JAZF1: variants seen among roughly 807,000 people sequenced by gnomAD.
JAZF1 encodes JAZF zinc finger 1, also known as juxtaposed with another zinc finger protein 1.
Under a neutral mutation model 26.4 loss-of-function variants are expected in JAZF1, and 8 were observed. That is an observed-to-expected ratio of 0.30 (90% CI 0.18 to 0.55). JAZF1 has a LOEUF of 0.55. Ranked by LOEUF, JAZF1 falls within the 20% of genes least tolerant of loss-of-function variation. The pLI, the probability that JAZF1 is intolerant of heterozygous loss-of-function variation, is 0.94. For missense variants in JAZF1, 199 were observed against 322.0 expected, an observed-to-expected ratio of 0.62 and a Z score of 2.92; for synonymous variants, 126 against 122.3, an observed-to-expected ratio of 1.03 and a Z score of -0.20.
At chr7:28,083,345 C>T (rs925170950) in intron 1 of JAZF1, among the ~76,000 whole-genome samples, 2 of 152,150 alleles carry the variant, frequency 1.3e-5, no homozygotes, top group African/African-American at 2.4e-5. Context: ...AGCCACTCAA[C>T]GGATATTTAC....
At chr7:27,887,396 C>A (rs1172801074) in intron 3 of JAZF1, among the ~76,000 whole-genome samples, 1 of 151,814 alleles carries the variant, frequency 6.6e-6, no homozygotes, top group Non-Finnish European at 1.5e-5. Flanking sequence ...GATTACAGAT[C>A]ACCACTGATT....
At chr7:28,090,663 GC>G (rs1342196815) in intron 1 of JAZF1, among the ~76,000 whole-genome samples, 3 of 152,110 alleles carry the variant, frequency 2.0e-5, no homozygotes, top group Non-Finnish European at 4.4e-5. Context: ...CGGCTTCACT[GC>G]CTAATCTACC....
intron 2 of JAZF1, among the ~76,000 whole-genome samples, chr7:27,959,586 A>G (rs1352901005): frequency 1.3e-5 from 2 of 152,208 alleles, no homozygotes; most frequent in Non-Finnish European, 1.5e-5. Context: ...CATACAGAGC[A>G]TATGTTACAG....
intron 1 of JAZF1, among the ~76,000 whole-genome samples, chr7:28,165,623 C>T (rs1333761851): frequency 1.3e-5 from 2 of 152,192 alleles, no homozygotes; most frequent in Admixed American, 6.5e-5. Context: ...CAGGCCCTTG[C>T]AGCCTCTGCC....
intron 3 of JAZF1, among the ~76,000 whole-genome samples, chr7:27,858,350 T>C (rs1177271513): frequency 6.6e-6 from 1 of 152,140 alleles, no homozygotes; most frequent in African/African-American, 2.4e-5. Flanking sequence ...CAAGCTACCA[T>C]TGACTTTCTT....
At chr7:28,139,202 T>C (rs1377571074) in intron 1 of JAZF1, among the ~76,000 whole-genome samples, 1 of 152,194 alleles carries the variant, frequency 6.6e-6, no homozygotes, top group Non-Finnish European at 1.5e-5. Flanking sequence ...ACTCCATCTA[T>C]GAAGCTGCCA....
intron 2 of JAZF1, among the ~76,000 whole-genome samples, chr7:27,970,430 T>TGGAC (rs1268190449): frequency 1.1e-4 from 16 of 151,800 alleles, no homozygotes; most frequent in Admixed American, 9.8e-4. Context: ...TCTGTGAACC[T>TGGAC]GGACAAACAA....
intron 3 of JAZF1, among the ~76,000 whole-genome samples, chr7:27,865,028 G>A (rs1362816201): frequency 2.0e-5 from 3 of 152,148 alleles, no homozygotes; most frequent in Admixed American, 6.5e-5. Context: ...GGGGCATGAC[G>A]AGCATTTGAA....
intron 2 of JAZF1, chr7:27,914,629 C>A: frequency 2.4e-6 from 1 of 411,510 alleles, no homozygotes; most frequent in Non-Finnish European, 5.1e-6. Flanking sequence ...TGCTCACCAG[C>A]CAAGGACAAG....
chr7:27,991,955 G>A lies in JAZF1; in HGVS notation c.142C>T (p.Gln48Ter). 1 of 1,606,496 alleles carries A rather than the reference G, an allele frequency of 6.2e-7. No individual in the cohort carries two copies. The highest frequency in any genetic ancestry group is 1.3e-5 in the African/African-American group (1 of 74,824). Residue 48 changes from glutamine (Q) to a stop codon, truncating the protein, a stop_gained, in exon 2 of 5, where the codon CAA (glutamine) becomes TAA (stop). Transcript: ENST00000283928. LOFTEE classifies it high-confidence loss of function. ...IDTDPRVLEKQELQQPTYVAL... is the reference protein window; with the variant it reads ...IDTDPRVLEK ...ACATAGGTTGGCTGCTGTAATTCTT[G>A]TTTTTCTAAAACCCGTGGATCTGTA...
chr7:27,885,956 C>T (rs1049051427), intron 3 of JAZF1, among the ~76,000 whole-genome samples: 1 of 152,176 alleles, frequency 6.6e-6, no homozygotes, highest in Admixed American at 6.5e-5. Context: ...TTTACATGTG[C>T]TATATAGCTA....
chr7:27,872,589 C>A (rs1783602698), intron 3 of JAZF1, among the ~76,000 whole-genome samples: 1 of 152,184 alleles, frequency 6.6e-6, no homozygotes, highest in African/African-American at 2.4e-5. Context: ...AGATTTCTCT[C>A]TCCACATGTT....
intron 1 of JAZF1, among the ~76,000 whole-genome samples, chr7:28,119,589 A>T (rs1273723419): frequency 6.6e-6 from 1 of 151,998 alleles, no homozygotes; most frequent in Non-Finnish European, 1.5e-5. Flanking sequence ...ATAATCTCTT[A>T]ATTTGCTTCT....
intron 3 of JAZF1, among the ~76,000 whole-genome samples, chr7:27,890,084 T>C (rs1783943525): frequency 6.6e-6 from 1 of 152,206 alleles, no homozygotes; most frequent in African/African-American, 2.4e-5. Context: ...TTAGGTTTAT[T>C]TGCAGACACA....
chr7:27,959,635 C>T (rs1244263370), intron 2 of JAZF1, among the ~76,000 whole-genome samples: 1 of 152,212 alleles, frequency 6.6e-6, no homozygotes, highest in Admixed American at 6.5e-5. Flanking sequence ...CACAGTGGCT[C>T]ATGCCTGTAA....
chr7:28,010,492 G>A (rs1286923243), intron 1 of JAZF1, among the ~76,000 whole-genome samples: 1 of 151,998 alleles, frequency 6.6e-6, no homozygotes, highest in Non-Finnish European at 1.5e-5. Context: ...TTCTTTGGGG[G>A]CCTAGAATGA....
chr7:27,942,596 C>T (rs949090305), intron 2 of JAZF1, among the ~76,000 whole-genome samples: 4 of 152,152 alleles, frequency 2.6e-5, no homozygotes, highest in South Asian at 2.1e-4. Context: ...AAAGGTTAAA[C>T]GACTTGTGCA....
In JAZF1 at chr7:28,140,413, C is replaced by T. The variant is rs1478335245; in HGVS notation, c.115+40050G>A. On this transcript the variant is annotated intron_variant, in intron 1 of 4. Transcript: ENST00000283928. The stretch of plus-strand genomic sequence containing the variant: ...TCACAAATCTAAGTAGCCCAGAAAA[C>T]AGGCAGAGAATAAAATGACCAAGGT... 2.0e-5 allele frequency among the ~76,000 whole-genome samples: 3 copies of T among 152,182 alleles called. No homozygotes were observed. In the South Asian group the frequency reaches 6.2e-4, roughly 32 times the overall value.
At chr7:28,043,418 C>T (rs538599308) in intron 1 of JAZF1, among the ~76,000 whole-genome samples, 1 of 152,280 alleles carries the variant, frequency 6.6e-6, no homozygotes, top group Non-Finnish European at 1.5e-5. Flanking sequence ...CATGTTCCAC[C>T]CACCTTACGG....
Sources: allele counts gnomAD v4.1 joint callset (sites outside exome capture counted in the v4.1 genomes callset), GRCh38; gene constraint gnomAD v4.1.1; transcripts MANE v1.5; gene names NCBI Gene and HGNC (gene_info 2026-07-23, HGNC 2026-07-21).